The following SELE variants were observed in gnomAD, a reference collection of about 807,000 sequenced individuals.
The protein encoded by SELE is selectin E.
A neutral mutation model predicts 75.8 loss-of-function variants in SELE; 52 were observed. That is an observed-to-expected ratio of 0.69 (90% CI 0.55 to 0.86). The LOEUF (loss-of-function observed/expected upper bound fraction) is 0.86. SELE is among the 40% of genes least tolerant of loss of function. The pLI, the probability that SELE is intolerant of heterozygous loss-of-function variation, is 0.00. For missense variants in SELE, 754 were observed against 732.7 expected, an observed-to-expected ratio of 1.03 and a Z score of -0.34; for synonymous variants, 285 against 258.7, an observed-to-expected ratio of 1.10 and a Z score of -0.98.
At position 169,723,348 on chromosome 1, in the gene SELE, T is replaced by C. The variant is rs552471039; in HGVS notation, c.*1177A>G. Reference sequence around the variant, plus strand: ...AGTTTCTATTGTGAATTTAAAATCTTCCATAATATACAAGAATTATGTTTA... The same window carrying C: ...AGTTTCTATTGTGAATTTAAAATCTCCCATAATATACAAGAATTATGTTTA... On this transcript the variant is annotated 3_prime_UTR_variant, in exon 14 of 14. Coordinates refer to ENST00000333360, the MANE Select transcript of SELE (RefSeq NM_000450.2). 65 of 152,366 alleles carry C rather than the reference T, an allele frequency of 4.3e-4. No homozygotes were observed. The highest frequency in any genetic ancestry group is 1.5e-3 in the African/African-American group (63 of 41,596). 9.4% of individuals were successfully genotyped at this position (152,366 alleles called of 1,614,324 possible). A position where few individuals can be genotyped will look rare whatever the true frequency, so the allele number is the denominator to read the frequency against.
chr1:169,729,390 G>A lies in SELE; in HGVS notation c.902-16C>T, dbSNP rs775877992. The A allele has an allele frequency of 1.4e-5, 22 of 1,612,066 alleles. No homozygotes were observed. The highest frequency in any genetic ancestry group is 1.1e-4 in the South Asian group (10 of 90,844). On this transcript the variant is annotated splice_polypyrimidine_tract_variant and intron_variant, in intron 6 of 13. Coordinates refer to ENST00000333360, the MANE Select transcript of SELE (RefSeq NM_000450.2). ...CATGTCACAGCTGTAACAAATATAC[G>A]CATTGATATTAGCACGGCCTAGAAT...
chr1:169,726,074 C>A, intron 11 of SELE, 146 bp from the exon 12 acceptor site: 1 of 957,810 alleles, frequency 1.0e-6, no homozygotes, highest in Non-Finnish European at 1.6e-6. Flanking sequence ...ACAAGCATGG[C>A]TCTGTGGCAT....
At chr1:169,727,311 T>C (rs1648799134) in intron 10 of SELE, 38 bp downstream of exon 10, 2 of 1,579,176 alleles carry the variant, frequency 1.3e-6, no homozygotes, top group Non-Finnish European at 1.7e-6. Flanking sequence ...CCTTTTTCTT[T>C]TTAATCACCA....
chr1:169,725,605 C>G, intron 13 of SELE, 124 bp downstream of exon 13: 2 of 699,506 alleles, frequency 2.9e-6, no homozygotes, highest in Non-Finnish European at 4.9e-6. Context: ...CAGAACAATA[C>G]CCAGGTGATG....
chr1:169,732,485 A>G, intron 3 of SELE, 130 bp downstream of exon 3: 1 of 1,132,938 alleles, frequency 8.8e-7, no homozygotes, highest in Non-Finnish European at 1.2e-6. Context: ...AAAGAGAGAA[A>G]CTTTAGCAGT....
chr1:169,725,395 A>T (rs1265898939), intron 13 of SELE, among the ~76,000 whole-genome samples: 1 of 151,656 alleles, frequency 6.6e-6, no homozygotes, highest in Non-Finnish European at 1.5e-5. Flanking sequence ...AATTAAAAAA[A>T]AAAAAAGTAA....
At chr1:169,728,639 C>T (rs924536521) in intron 7 of SELE, among the ~76,000 whole-genome samples, 3 of 152,220 alleles carry the variant, frequency 2.0e-5, no homozygotes, top group Non-Finnish European at 4.4e-5. Context: ...TTATGTTTTG[C>T]TACTGGAAAT....
intron 2 of SELE, 65 bp from the exon 3 acceptor site, chr1:169,733,063 G>C: frequency 1.4e-6 from 2 of 1,452,498 alleles, no homozygotes; most frequent in South Asian, 1.5e-5. Context: ...TCTGACAACT[G>C]TGCTTTTTAT....
intron 4 of SELE, chr1:169,731,589 C>A: frequency 7.5e-6 from 3 of 400,932 alleles, no homozygotes; most frequent in Non-Finnish European, 1.4e-5. Context: ...CTATTATTAT[C>A]CTCATTTTAC....
At chr1:169,727,678 G>A in intron 9 of SELE, 61 bp downstream of exon 9, 1 of 1,565,840 alleles carries the variant, frequency 6.4e-7, no homozygotes. Flanking sequence ...GGGCAATCTA[G>A]GTTCAGAAAC....
At chr1:169,726,144 C>A (rs1204610133) in intron 11 of SELE, among the ~76,000 whole-genome samples, 1 of 152,162 alleles carries the variant, frequency 6.6e-6, no homozygotes, top group Non-Finnish European at 1.5e-5. Flanking sequence ...CTAATGCCAG[C>A]AAATAGCTAC....
intron 5 of SELE, 116 bp from the exon 6 acceptor site, chr1:169,729,789 C>CTATGTCAAT (rs1648864252): frequency 1.2e-6 from 1 of 846,614 alleles, no homozygotes; most frequent in African/African-American, 1.7e-5. Context: ...TCCCAAAGTC[C>CTATGTCAAT]TATGTCAATT....
chr1:169,728,334 A>T, intron 7 of SELE, 88 bp from the exon 8 acceptor site: 1 of 1,240,918 alleles, frequency 8.1e-7, no homozygotes, highest in Non-Finnish European at 1.1e-6. Flanking sequence ...TCATTCAAGC[A>T]ACACTTGGAG....
intron 7 of SELE, among the ~76,000 whole-genome samples, chr1:169,728,625 T>C (rs1431040701): frequency 1.3e-5 from 2 of 152,236 alleles, no homozygotes; most frequent in South Asian, 4.1e-4. Flanking sequence ...GTTTGGTTTT[T>C]GTGTTATGTT....
chr1:169,732,933 C>T lies in SELE; in HGVS notation c.103G>A (p.Glu35Lys), dbSNP rs1648952539. ...NTSTEAMTYDEASAYCQQRYT... is the reference protein window; with the variant it reads ...NTSTEAMTYDKASAYCQQRYT... ...CTTTGCTGACAATAAGCACTGGCCT[C>T]ATCATAAGTCATAGCTTCCGTGGAG... Residue 35 changes from glutamate (E) to lysine (K), a missense_variant, in exon 3 of 14, where the codon GAG becomes AAG. Transcript: ENST00000333360. 3 of 1,613,426 alleles carry T rather than the reference C, an allele frequency of 1.9e-6. No homozygotes were observed. In the African/African-American group the frequency reaches 4.0e-5, roughly 22 times the overall value.
Position 169,730,475 on chromosome 1 carries a change from A to G in SELE, c.672T>C (p.Cys224=). Reference sequence around the variant, plus strand: ...GAGCACTCCATTCTCCAGAGGACATACACTGCATGGTCTCCATGCTGCTTG... The same window carrying G: ...GAGCACTCCATTCTCCAGAGGACATGCACTGCATGGTCTCCATGCTGCTTG... ...YLPSSMETMQ[C]MSSGEWSAPI... Residue 224 remains cysteine, a synonymous_variant, in exon 5 of 14, where the codon TGT becomes TGC. Transcript: ENST00000333360. 6.2e-7 allele frequency: 1 copy of G among 1,614,094 alleles called. No homozygotes were observed. Among genetic ancestry groups the G allele is most frequent in the South Asian group, 1.1e-5 (1 of 91,076 alleles).
intron 5 of SELE, among the ~76,000 whole-genome samples, chr1:169,730,024 T>C (rs1648872251): frequency 6.6e-6 from 1 of 152,182 alleles, no homozygotes; most frequent in Non-Finnish European, 1.5e-5. Flanking sequence ...AGAACTGATT[T>C]TTCTTTTTTT....
Position 169,730,625 on chromosome 1 carries a change from A to T in SELE, c.530-8T>A. Reference sequence around the variant, plus strand: ...GGGCTGTACAGTTCACAACTGAAAAAGAAACCCAAATCAGTTCTGCTCATC... The same window carrying T: ...GGGCTGTACAGTTCACAACTGAAAATGAAACCCAAATCAGTTCTGCTCATC... On this transcript the variant is annotated splice_region_variant and splice_polypyrimidine_tract_variant and intron_variant, in intron 4 of 13. Transcript: ENST00000333360. 1 of 1,585,884 alleles carries T rather than the reference A, an allele frequency of 6.3e-7. No individual in the cohort carries two copies. The highest frequency in any genetic ancestry group is 8.6e-7 in the Non-Finnish European group (1 of 1,162,394).
rs79478039 is a variant in SELE at position 169,729,301 on chromosome 1, G to T, written c.975C>A (p.Phe325Leu). 3.9e-3 allele frequency: 6,367 copies of T among 1,614,124 alleles called. 33 individuals are homozygous for T. The highest frequency in any genetic ancestry group is 7.1e-3 in the Middle Eastern group (43 of 6,060). Residue 325 changes from phenylalanine to leucine, a missense_variant, in exon 7 of 14, where the codon TTC (phenylalanine) becomes TTA (leucine). Coordinates refer to ENST00000333360, the MANE Select transcript of SELE (RefSeq NM_000450.2). Reference protein sequence around the residue: ...VRCSHSPAGEFTFKSSCNFTC... With the variant: ...VRCSHSPAGELTFKSSCNFTC... ...TGAAGTTGCAGGATGATTTGAAGGT[G>T]AACTCTCCAGCAGGGGAATGGCTGC...
Sources: gnomAD v4.1 joint callset for allele counts (sites outside exome capture counted in the v4.1 genomes callset) on GRCh38, gnomAD v4.1.1 for gene constraint, MANE v1.5 for transcripts, NCBI Gene and HGNC (gene_info 2026-07-23, HGNC 2026-07-21) for gene names.